The following TRPM6 variants were observed in gnomAD, a reference collection of about 807,000 sequenced individuals.
TRPM6 encodes transient receptor potential cation channel subfamily M member 6.
Under a neutral mutation model 247.6 loss-of-function variants are expected in TRPM6, and 111 were observed. The ratio of observed to expected loss-of-function variants is 0.45; its 90% CI spans 0.38 to 0.52. TRPM6 has a LOEUF of 0.52. Among genes scored for constraint, TRPM6 ranks in the 20% least tolerant of loss-of-function variants. The pLI, the probability that TRPM6 is intolerant of heterozygous loss-of-function variation, is 0.00. For synonymous variants in TRPM6, 892 were observed against 853.8 expected, an observed-to-expected ratio of 1.04 and a Z score of -0.78; for missense variants, 2,126 against 2,421.5, an observed-to-expected ratio of 0.88 and a Z score of 2.56.
rs138310523 is a variant in TRPM6 at position 74,738,361 on chromosome 9, C to T, written c.5776+46G>A. On this transcript the variant is annotated intron_variant, in intron 36 of 38. Transcript: ENST00000360774. ...TCCTGGTTCTTGCAAGATCTCTTTACACTTTGCCTCATGCTTGTTGTATCA... is the reference window on the plus strand; with the variant it reads ...TCCTGGTTCTTGCAAGATCTCTTTATACTTTGCCTCATGCTTGTTGTATCA... 111 of 1,603,236 alleles carry T rather than the reference C, an allele frequency of 6.9e-5. No homozygotes were observed. In the African/African-American group the frequency reaches 1.1e-3, roughly 16 times the overall value.
chr9:74,786,255 C>A (rs1174774753), intron 20 of TRPM6, 130 bp from the exon 21 acceptor site: 2 of 948,986 alleles, frequency 2.1e-6, no homozygotes, highest in Non-Finnish European at 1.6e-6. Flanking sequence ...AAATCACTTG[C>A]GGATTTCAGA....
At position 74,763,093 on chromosome 9, in the gene TRPM6, T is replaced by G. The variant is rs1162999426; in HGVS notation, c.3578A>C (p.Lys1193Thr). The change falls in exon 26 of 39, where the codon AAG (lysine) becomes ACG (threonine). Residue 1193 changes from lysine to threonine, a missense_variant. Physicochemically the swap from Lys to Thr is moderately conservative, Grantham distance 78. Around this residue, in one of 3 missense-constraint regions of TRPM6, gnomAD observed 717 missense variants for 715.9 expected, o/e 1.00. Coordinates refer to ENST00000360774, the MANE Select transcript of TRPM6 (RefSeq NM_017662.5). ...TAAGGAGTCCTTTATAAAAGACACC[T>G]TTTCATTCATTTCTTTCAGCTGGAA... ...MYFQLKEMNE[K>T]VSFIKDSLLS... 7 of 1,613,476 alleles carry G rather than the reference T, an allele frequency of 4.3e-6. No homozygotes were observed. The highest frequency in any genetic ancestry group is 1.3e-5 in the African/African-American group (1 of 74,930).
chr9:74,857,721 A>G (rs1347736207), intron 2 of TRPM6: 1 of 152,240 alleles, frequency 6.6e-6, no homozygotes, highest in Admixed American at 6.5e-5. Flanking sequence ...TGATACAGAG[A>G]AGATTAGCAT....
chr9:74,887,597 G>A (rs1270794056), intron 1 of TRPM6: 10 of 1,526,294 alleles, frequency 6.6e-6, no homozygotes, highest in Middle Eastern at 1.8e-4. Flanking sequence ...TGAAACGGGG[G>A]CTGCGGGACC....
chr9:74,857,256 G>A (rs1205312469), intron 2 of TRPM6, among the ~76,000 whole-genome samples: 1 of 151,876 alleles, frequency 6.6e-6, no homozygotes, highest in Non-Finnish European at 1.5e-5. Context: ...AATAAGGGTG[G>A]GACTAGTAAA....
At chr9:74,743,991 G>A (rs894606665) in intron 32 of TRPM6, 104 bp downstream of exon 32, 22 of 1,141,842 alleles carry the variant, frequency 1.9e-5, no homozygotes, top group Middle Eastern at 2.0e-4. Context: ...TTTTCAAGTC[G>A]CGAGCCATGT....
chr9:74,786,089 C>T lies in TRPM6; in HGVS notation c.2704G>A (p.Val902Met). Residue 902 changes from valine to methionine, a missense_variant, in exon 21 of 39, where the codon GTG (valine) becomes ATG (methionine). Around this residue, in one of 3 missense-constraint regions of TRPM6, gnomAD observed 1,082 missense variants for 1,307.9 expected, o/e 0.83. Transcript: ENST00000360774. Reference protein sequence around the residue: ...ISEPGKFTQKVKVWISEYWNL... With the variant: ...ISEPGKFTQKMKVWISEYWNL... ...CAGTACTCACTAATCCATACCTTCA[C>T]CTTTTGGGTAAACTTCCCAGGTTCT... The T allele has an allele frequency of 6.2e-7, 1 of 1,614,190 alleles. No individual in the cohort carries two copies. The highest frequency in any genetic ancestry group is 8.5e-7 in the Non-Finnish European group (1 of 1,180,038).
chr9:74,811,415 A>T (rs1321007422), intron 12 of TRPM6, among the ~76,000 whole-genome samples: 9 of 152,242 alleles, frequency 5.9e-5, no homozygotes, highest in Non-Finnish European at 1.3e-4. Context: ...TGAATAAATC[A>T]TTGAAGAAAG....
intron 3 of TRPM6, among the ~76,000 whole-genome samples, chr9:74,848,268 C>T (rs1830173009): frequency 6.6e-6 from 1 of 152,152 alleles, no homozygotes; most frequent in African/African-American, 2.4e-5. Flanking sequence ...TGCATCACTA[C>T]TCTTGCACTT....
chr9:74,831,708 C>T (rs992079266), intron 6 of TRPM6, among the ~76,000 whole-genome samples: 1 of 152,112 alleles, frequency 6.6e-6, no homozygotes, highest in African/African-American at 2.4e-5. Context: ...AGAATAATAA[C>T]TGTATTGATT....
chr9:74,831,279 C>A (rs749077352), intron 6 of TRPM6, among the ~76,000 whole-genome samples: 66 of 152,054 alleles, frequency 4.3e-4, no homozygotes, highest in Non-Finnish European at 8.7e-4. Context: ...ATCACAAGGT[C>A]ATGAATTCGA....
intron 23 of TRPM6, among the ~76,000 whole-genome samples, chr9:74,780,727 T>C (rs1417741840): frequency 6.6e-6 from 1 of 152,150 alleles, no homozygotes; most frequent in Non-Finnish European, 1.5e-5. Flanking sequence ...GTTATCTATT[T>C]GAAGGTTGAG....
At chr9:74,836,804 A>G (rs1829738586) in intron 5 of TRPM6, among the ~76,000 whole-genome samples, 1 of 152,106 alleles carries the variant, frequency 6.6e-6, no homozygotes, top group Non-Finnish European at 1.5e-5. Context: ...TTCTTTCTAC[A>G]CATGCCTTCA....
chr9:74,763,088 A>G lies in TRPM6; in HGVS notation c.3583T>C (p.Ser1195Pro). The stretch of plus-strand genomic sequence containing the variant: ...GACAGTAAGGAGTCCTTTATAAAAG[A>G]CACCTTTTCATTCATTTCTTTCAGC... Reference protein sequence around the residue: ...FQLKEMNEKVSFIKDSLLSLD... With the variant: ...FQLKEMNEKVPFIKDSLLSLD... The change falls in exon 26 of 39, where the codon TCT (serine) becomes CCT (proline). Residue 1195 changes from serine (S) to proline (P), a missense_variant. Ser to Pro is a moderately conservative substitution (Grantham distance 74). Transcript: ENST00000360774. 1 of 1,613,870 alleles carries G rather than the reference A, an allele frequency of 6.2e-7. No homozygotes were observed. The highest frequency in any genetic ancestry group is 8.5e-7 in the Non-Finnish European group (1 of 1,180,020).
chr9:74,737,277 T>G lies in TRPM6; in HGVS notation c.5776+1130A>C, dbSNP rs1825725406. ...CCTATATGTCATTTAAAAAATGCAC[T>G]TATATGTAGTTTAAAAATTTGTGTC... On this transcript the variant is annotated intron_variant, in intron 36 of 38. Transcript: ENST00000360774. 6.3e-5 allele frequency: 55 copies of G among 868,854 alleles called. No homozygotes were observed. In the South Asian group the frequency reaches 8.8e-4, roughly 14 times the overall value. 53.8% of individuals were successfully genotyped at this position (868,854 alleles called of 1,614,324 possible).
intron 21 of TRPM6, among the ~76,000 whole-genome samples, chr9:74,784,714 C>A (rs1297954128): frequency 6.6e-6 from 1 of 152,204 alleles, no homozygotes; most frequent in African/African-American, 2.4e-5. Flanking sequence ...AGTGTCCCAA[C>A]AAACTAACTA....
In TRPM6 at chr9:74,724,456, A is replaced by G. The variant is rs1825248397; in HGVS notation, c.*157T>C. The G allele has an allele frequency of 9.7e-7, 1 of 1,030,526 alleles. No homozygotes were observed. The highest frequency in any genetic ancestry group is 1.5e-6 in the Non-Finnish European group (1 of 675,334). The allele number at this position is 1,030,526 out of a possible 1,614,324, so 63.8% of individuals were successfully genotyped here. On this transcript the variant is annotated 3_prime_UTR_variant, in exon 39 of 39. Coordinates refer to ENST00000360774, the MANE Select transcript of TRPM6 (RefSeq NM_017662.5). Reference sequence around the variant, plus strand: ...CAGTGTCTAGGAGAACCCATTGATCATATACCAATGAGGCCTTTGAACAGA... The same window carrying G: ...CAGTGTCTAGGAGAACCCATTGATCGTATACCAATGAGGCCTTTGAACAGA...
At chr9:74,838,848 G>T (rs963412840) in intron 5 of TRPM6, among the ~76,000 whole-genome samples, 4 of 151,990 alleles carry the variant, frequency 2.6e-5, no homozygotes, top group Non-Finnish European at 5.9e-5. Flanking sequence ...GGTGGCTCAC[G>T]CCTGTAATCC....
rs1389326162 is a variant in TRPM6 at position 74,816,892 on chromosome 9, CCT to C, written c.1205_1206del (p.Lys402ArgfsTer30). 6.2e-7 allele frequency: 1 copy of C among 1,614,038 alleles called. No individual in the cohort carries two copies. Among genetic ancestry groups the C allele is most frequent in the South Asian group, 1.1e-5 (1 of 91,068 alleles). On this transcript the variant is annotated frameshift_variant and splice_region_variant, in exon 10 of 39. Coordinates refer to ENST00000360774, the MANE Select transcript of TRPM6 (RefSeq NM_017662.5). LOFTEE classifies it high-confidence loss of function. Reference protein sequence around the residue: ...LDLAILTALLKGTNLSASEQL... With the variant: ...LDLAILTALLXGTNLSASEQL... ...ATTGCAACCCCATCCAGATACTCACCCTTCAGCAAAGCTGTTAGGATTGCTAA... is the reference window on the plus strand; with the variant it reads ...ATTGCAACCCCATCCAGATACTCACCTCAGCAAAGCTGTTAGGATTGCTAA...
Sources: allele counts gnomAD v4.1 joint callset (sites outside exome capture counted in the v4.1 genomes callset), GRCh38; gene constraint gnomAD v4.1.1; regional missense constraint gnomAD v4.1.1; transcripts MANE v1.5; gene names NCBI Gene and HGNC (gene_info 2026-07-23, HGNC 2026-07-21).